The following DNAH14 variants were observed in gnomAD, a reference collection of about 807,000 sequenced individuals.
DNAH14 encodes the protein axonemal beta dynein heavy chain 14.
A neutral mutation model predicts 520.9 loss-of-function variants in DNAH14; 478 were observed. The ratio of observed to expected loss-of-function variants is 0.92; its 90% CI spans 0.85 to 0.99. DNAH14 has a LOEUF of 0.99. DNAH14 is among the 50% of genes least tolerant of loss of function. The probability of loss-of-function intolerance (pLI) is 0.00; values close to 1 mark genes in which losing one functional copy is unlikely to be tolerated. For missense variants in DNAH14, 4,831 were observed against 5,234.5 expected, an observed-to-expected ratio of 0.92 and a Z score of 2.38; for synonymous variants, 1,581 against 1,757.2, an observed-to-expected ratio of 0.90 and a Z score of 2.51.
chr1:225,006,243 CCTGTT>C (rs1283763430), intron 9 of DNAH14, among the ~76,000 whole-genome samples: 18 of 152,160 alleles, frequency 1.2e-4, no homozygotes, highest in African/African-American at 4.3e-4. Flanking sequence ...CCCTCAGGAC[CCTGTT>C]ATGATTGCGT....
At chr1:224,939,205 A>T (rs1384244154) in intron 1 of DNAH14, among the ~76,000 whole-genome samples, 1 of 152,210 alleles carries the variant, frequency 6.6e-6, no homozygotes, top group Non-Finnish European at 1.5e-5. Flanking sequence ...CATTTTGAGG[A>T]TATTAATTTA....
intron 69 of DNAH14, among the ~76,000 whole-genome samples, chr1:225,342,204 A>G (rs2095200046): frequency 6.6e-6 from 1 of 152,330 alleles, no homozygotes; most frequent in Admixed American, 6.5e-5. Context: ...AAATTTTACC[A>G]ATAGTAATAA....
chr1:224,950,121 C>G (rs1160348854), intron 1 of DNAH14, among the ~76,000 whole-genome samples: 1 of 151,984 alleles, frequency 6.6e-6, no homozygotes, highest in African/African-American at 2.4e-5. Context: ...TACTTCAATA[C>G]TCATATTTAG....
At chr1:225,238,026 A>G (rs76238244) in intron 42 of DNAH14, among the ~76,000 whole-genome samples, 2,787 of 152,048 alleles carry the variant, frequency 0.018, 42 homozygotes, top group Non-Finnish European at 0.027. Context: ...ATTTTTTTGT[A>G]TGATTCTTAG....
intron 41 of DNAH14, among the ~76,000 whole-genome samples, chr1:225,228,226 A>G (rs2090740813): frequency 6.6e-6 from 1 of 152,204 alleles, no homozygotes; most frequent in Non-Finnish European, 1.5e-5. Flanking sequence ...AGCTACCTTT[A>G]TAGATAACTT....
intron 44 of DNAH14, among the ~76,000 whole-genome samples, chr1:225,256,651 A>T (rs1299129047): frequency 6.6e-6 from 1 of 152,182 alleles, no homozygotes; most frequent in Non-Finnish European, 1.5e-5. Context: ...TGAAGTAAAG[A>T]TAATTCCAAT....
intron 3 of DNAH14, among the ~76,000 whole-genome samples, chr1:224,958,924 G>A (rs1001004907): frequency 6.6e-6 from 1 of 152,056 alleles, no homozygotes; most frequent in Non-Finnish European, 1.5e-5. Context: ...AGCTTCTAAG[G>A]AATAGGATTT....
chr1:225,159,763 A>G (rs966886255), intron 35 of DNAH14, among the ~76,000 whole-genome samples: 1 of 152,198 alleles, frequency 6.6e-6, no homozygotes, highest in African/African-American at 2.4e-5. Context: ...TGAAATGAGG[A>G]TAATAGTGTC....
intron 8 of DNAH14, among the ~76,000 whole-genome samples, chr1:224,976,576 G>A (rs1428920324): frequency 6.6e-5 from 10 of 152,040 alleles, no homozygotes; most frequent in African/African-American, 1.7e-4. Flanking sequence ...GAAAATTTTC[G>A]CAACCTGCTC....
At chr1:224,950,106 A>C (rs1010631959) in intron 1 of DNAH14, among the ~76,000 whole-genome samples, 3 of 152,012 alleles carry the variant, frequency 2.0e-5, no homozygotes, top group Admixed American at 6.6e-5. Context: ...TAGTACTTGC[A>C]CTATTACTTC....
intron 41 of DNAH14, among the ~76,000 whole-genome samples, chr1:225,214,332 G>T (rs2149470143): frequency 6.6e-6 from 1 of 152,218 alleles, no homozygotes; most frequent in East Asian, 1.9e-4. Context: ...GAGGATTTTT[G>T]CATCGATGTT....
At chr1:225,111,735 T>TA (rs2076493990) in intron 23 of DNAH14, among the ~76,000 whole-genome samples, 1 of 152,056 alleles carries the variant, frequency 6.6e-6, no homozygotes, top group Admixed American at 6.5e-5. Flanking sequence ...GTCTTCTTTT[T>TA]AGTAAAGGTG....
At chr1:225,196,000 T>A (rs1385151547) in intron 38 of DNAH14, among the ~76,000 whole-genome samples, 3 of 145,322 alleles carry the variant, frequency 2.1e-5, no homozygotes, top group Non-Finnish European at 1.5e-5. Context: ...TTTTAAGAAA[T>A]TTATTTATTT....
intron 83 of DNAH14, 142 bp downstream of exon 83, chr1:225,390,015 A>G: frequency 1.4e-6 from 1 of 726,660 alleles, no homozygotes; most frequent in Non-Finnish European, 2.2e-6. Flanking sequence ...AGTGTGCACC[A>G]GAGCAGTCTC....
chr1:225,128,260 C>T (rs1342305854), intron 27 of DNAH14, among the ~76,000 whole-genome samples: 1 of 152,044 alleles, frequency 6.6e-6, no homozygotes, highest in African/African-American at 2.4e-5. Flanking sequence ...GCCTGCATTC[C>T]TTCTGAAACT....
chr1:225,027,001 T>C (rs2066166437), intron 11 of DNAH14, among the ~76,000 whole-genome samples: 2 of 152,116 alleles, frequency 1.3e-5, no homozygotes, highest in Non-Finnish European at 2.9e-5. Flanking sequence ...AAGTATTTTA[T>C]CATTTTTTAT....
intron 52 of DNAH14, among the ~76,000 whole-genome samples, chr1:225,274,805 C>A (rs80020066): frequency 0.047 from 7,177 of 152,236 alleles, 266 homozygotes; most frequent in Non-Finnish European, 0.07. Flanking sequence ...CCAAATCTTT[C>A]TTAAGGATGT....
At chr1:225,373,478 A>T (rs2095645160) in intron 77 of DNAH14, among the ~76,000 whole-genome samples, 1 of 144,516 alleles carries the variant, frequency 6.9e-6, no homozygotes, top group Non-Finnish European at 1.5e-5. Context: ...GGAAGGGAGG[A>T]AGGGAGGGAG....
intron 41 of DNAH14, among the ~76,000 whole-genome samples, chr1:225,208,432 A>G (rs1029081530): frequency 3.3e-5 from 5 of 152,220 alleles, no homozygotes; most frequent in Non-Finnish European, 7.3e-5. Context: ...AGGAACTCTC[A>G]GAATGCATCA....
Sources: gnomAD v4.1 joint callset for allele counts (sites outside exome capture counted in the v4.1 genomes callset) on GRCh38, gnomAD v4.1.1 for gene constraint, MANE v1.5 for transcripts, NCBI Gene and HGNC (gene_info 2026-07-23, HGNC 2026-07-21) for gene names.